The following PAPPA2 variants were observed in gnomAD, a reference collection of about 807,000 sequenced individuals.
PAPPA2 encodes the protein pappalysin-2.
Under a neutral mutation model 176.4 loss-of-function variants are expected in PAPPA2, and 86 were observed. The ratio of observed to expected loss-of-function variants is 0.49; its 90% CI spans 0.41 to 0.58. PAPPA2 has a LOEUF of 0.58. PAPPA2 is among the 20% of genes least tolerant of loss of function. The pLI is 0.00. For missense variants in PAPPA2, 2,073 were observed against 2,256.9 expected (o/e 0.92, Z 1.65); for synonymous variants, 809 against 852.2 (o/e 0.95, Z 0.88).
At chr1:176,680,656 CAGTTG>C (rs538357643) in intron 4 of PAPPA2, among the ~76,000 whole-genome samples, 74 of 152,248 alleles carry the variant, frequency 4.9e-4, no homozygotes, top group South Asian at 2.1e-3. Context: ...AATCGCTTCT[CAGTTG>C]AGTTATCATT....
chr1:176,473,041 A>C (rs892035566), intron 1 of PAPPA2, among the ~76,000 whole-genome samples: 1 of 152,176 alleles, frequency 6.6e-6, no homozygotes, highest in African/African-American at 2.4e-5. Flanking sequence ...ATTATCACCC[A>C]AAGTCCATAG....
intron 1 of PAPPA2, among the ~76,000 whole-genome samples, chr1:176,498,751 C>CACAAA (rs762510082): frequency 7.7e-4 from 86 of 112,128 alleles, no homozygotes; most frequent in Admixed American, 1.2e-3. Flanking sequence ...CTCTTACCTC[C>CACAAA]AAAAAAAAAA....
At chr1:176,508,490 G>T (rs189227357) in intron 1 of PAPPA2, among the ~76,000 whole-genome samples, 1 of 151,706 alleles carries the variant, frequency 6.6e-6, no homozygotes, top group African/African-American at 2.4e-5. Context: ...TCACTGCATG[G>T]AATTAATAGC....
intron 2 of PAPPA2, among the ~76,000 whole-genome samples, chr1:176,579,278 A>C (rs557726832): frequency 2.4e-4 from 36 of 152,230 alleles, no homozygotes; most frequent in Non-Finnish European, 4.4e-4. Flanking sequence ...GGGAACAGGA[A>C]AAAGGAGGAA....
At chr1:176,514,030 T>C (rs999030388) in intron 1 of PAPPA2, among the ~76,000 whole-genome samples, 1 of 152,186 alleles carries the variant, frequency 6.6e-6, no homozygotes, top group Non-Finnish European at 1.5e-5. Flanking sequence ...GATGACTATT[T>C]CAGAGAGACA....
chr1:176,652,821 T>G lies in PAPPA2; in HGVS notation c.1992-18149T>G, dbSNP rs1434729742. Among the ~76,000 whole-genome samples the G allele has an allele frequency of 3.3e-5, 5 of 151,630 alleles. 1 individual carries two copies. Among genetic ancestry groups the G allele is most frequent in the Non-Finnish European group, 7.4e-5 (5 of 67,748 alleles). ...GTGTAGAAACCATGAGTTAGGGGAATTTTCTGCATACATGGTGCTGGGCAG... is the reference window on the plus strand; with the variant it reads ...GTGTAGAAACCATGAGTTAGGGGAAGTTTCTGCATACATGGTGCTGGGCAG... On this transcript the variant is annotated intron_variant, in intron 3 of 22. Transcript: ENST00000367662.
At chr1:176,760,697 C>T (rs565638632) in intron 14 of PAPPA2, among the ~76,000 whole-genome samples, 1 of 152,300 alleles carries the variant, frequency 6.6e-6, no homozygotes, top group African/African-American at 2.4e-5. Context: ...TATTGCAGGG[C>T]ATTGCTAGGA....
chr1:176,738,879 A>G (rs1455881503), intron 12 of PAPPA2, among the ~76,000 whole-genome samples: 1 of 152,000 alleles, frequency 6.6e-6, no homozygotes, highest in Non-Finnish European at 1.5e-5. Flanking sequence ...TAAGGAAAAC[A>G]CTTCCATAGT....
At chr1:176,578,529 G>T (rs1317810255) in intron 2 of PAPPA2, among the ~76,000 whole-genome samples, 1 of 152,166 alleles carries the variant, frequency 6.6e-6, no homozygotes, top group East Asian at 1.9e-4. Context: ...TCTTGTTCCT[G>T]TGGTAAATTC....
intron 21 of PAPPA2, among the ~76,000 whole-genome samples, chr1:176,834,961 A>T (rs897655061): frequency 3.9e-5 from 6 of 152,128 alleles, no homozygotes; most frequent in African/African-American, 1.4e-4. Context: ...ACAAAAGTGA[A>T]AATTCATCTC....
chr1:176,756,007 G>A (rs2102893908), intron 14 of PAPPA2, among the ~76,000 whole-genome samples: 1 of 152,206 alleles, frequency 6.6e-6, no homozygotes. Flanking sequence ...TGTTGCCCAG[G>A]TTGGAGTGCA....
chr1:176,656,909 A>G (rs1273138464), intron 3 of PAPPA2, among the ~76,000 whole-genome samples: 1 of 151,818 alleles, frequency 6.6e-6, no homozygotes, highest in African/African-American at 2.4e-5. Context: ...AACATTGGTC[A>G]TTGAAAATTC....
At chr1:176,683,092 A>G (rs1396972976) in intron 4 of PAPPA2, among the ~76,000 whole-genome samples, 1 of 151,612 alleles carries the variant, frequency 6.6e-6, no homozygotes, top group Non-Finnish European at 1.5e-5. Context: ...TCTCTTTACC[A>G]TGAGCCACTT....
intron 1 of PAPPA2, among the ~76,000 whole-genome samples, chr1:176,554,063 T>C (rs908505408): frequency 6.6e-6 from 1 of 152,086 alleles, no homozygotes; most frequent in South Asian, 2.1e-4. Flanking sequence ...GTAACATCCA[T>C]GTGCCTGAGT....
At position 176,728,280 on chromosome 1, in the gene PAPPA2, AGAAG is replaced by A. The variant is rs573336945; in HGVS notation, c.3799-11341_3799-11338del. On this transcript the variant is annotated intron_variant, in intron 12 of 22. Coordinates refer to ENST00000367662, the MANE Select transcript of PAPPA2 (RefSeq NM_020318.3). ...AAAGAAGTTAAACATAAAATATGAA[AGAAG>A]GAAGTAAAATTTTAGTTAGCATTGA... 2.2e-3 allele frequency among the ~76,000 whole-genome samples: 331 copies of A among 152,020 alleles called. 2 individuals are homozygous for A. Among genetic ancestry groups the A allele is most frequent in the African/African-American group, 6.5e-3 (270 of 41,566 alleles).
chr1:176,553,086 G>T (rs550322293), intron 1 of PAPPA2, among the ~76,000 whole-genome samples: 1 of 152,060 alleles, frequency 6.6e-6, no homozygotes, highest in African/African-American at 2.4e-5. Context: ...TCACACTTTT[G>T]CTCGGGGGTG....
intron 20 of PAPPA2, among the ~76,000 whole-genome samples, chr1:176,795,127 C>T (rs1008414689): frequency 3.9e-5 from 6 of 152,240 alleles, no homozygotes; most frequent in Non-Finnish European, 7.3e-5. Context: ...CACCTGCACC[C>T]AGCAAGTGGG....
intron 14 of PAPPA2, among the ~76,000 whole-genome samples, chr1:176,745,137 T>C (rs544096898): frequency 1.4e-4 from 22 of 152,296 alleles, no homozygotes; most frequent in African/African-American, 4.8e-4. Flanking sequence ...ATTGTAATAG[T>C]AGAGCTGGAT....
chr1:176,664,260 A>G (rs1260715414), intron 3 of PAPPA2, among the ~76,000 whole-genome samples: 2 of 152,216 alleles, frequency 1.3e-5, no homozygotes, highest in African/African-American at 2.4e-5. Flanking sequence ...CTAGGCTAAG[A>G]TCAGGATGTC....
Sources: allele counts gnomAD v4.1 joint callset (sites outside exome capture counted in the v4.1 genomes callset), GRCh38; gene constraint gnomAD v4.1.1; transcripts MANE v1.5; gene names NCBI Gene and HGNC (gene_info 2026-07-23, HGNC 2026-07-21).